HTT: variants seen among roughly 807,000 people sequenced by gnomAD.
HTT encodes huntingtin, also known as huntington disease protein.
A neutral mutation model predicts 362.3 loss-of-function variants in HTT; 104 were observed. That is an observed-to-expected ratio of 0.29 (90% CI 0.24 to 0.34). HTT has a LOEUF of 0.34. HTT is among the 10% of genes least tolerant of loss of function. The probability of loss-of-function intolerance (pLI) is 1.00; values close to 1 mark genes in which losing one functional copy is unlikely to be tolerated. For missense variants in HTT, 3,301 were observed against 3,928.6 expected, an observed-to-expected ratio of 0.84 and a Z score of 4.27; for synonymous variants, 1,577 against 1,548.7, an observed-to-expected ratio of 1.02 and a Z score of -0.43.
At chr4:3,154,065 G>A (rs1488539594) in intron 26 of HTT, among the ~76,000 whole-genome samples, 3 of 152,180 alleles carry the variant, frequency 2.0e-5, no homozygotes, top group Non-Finnish European at 4.4e-5. Context: ...CTGTGCACCT[G>A]TTAGGAAGTT....
Position 3,075,014 on chromosome 4 carries a change from T to TCAGCCG in HTT, c.197_202dup (p.Gln66_Pro67dup), listed in dbSNP as rs1411878512. Reference sequence around the variant, plus strand: ...CGCCGCAGGCACAGCCGCTGCTGCCTCAGCCGCAGCCGCCCCCGCCGCCGC... The same window carrying TCAGCCG: ...CGCCGCAGGCACAGCCGCTGCTGCCTCAGCCGCAGCCGCAGCCGCCCCCGCCGCCGC... On this transcript the variant is annotated inframe_insertion, in exon 1 of 67. Transcript: ENST00000355072. The TCAGCCG allele has an allele frequency of 3.1e-6, 4 of 1,301,892 alleles. No homozygotes were observed. In the African/African-American group the frequency reaches 6.3e-5, roughly 20 times the overall value. 80.6% of individuals were successfully genotyped at this position (1,301,892 alleles called of 1,614,324 possible).
At chr4:3,207,256 A>G (rs1271341140) in intron 44 of HTT, 25 bp from the exon 45 acceptor site, 2 of 1,604,618 alleles carry the variant, frequency 1.2e-6, no homozygotes, top group Non-Finnish European at 1.7e-6. Flanking sequence ...TGTTACAAAC[A>G]CACTAATGTG....
At chr4:3,109,232 T>G (rs751631938) in intron 6 of HTT, among the ~76,000 whole-genome samples, 1 of 151,906 alleles carries the variant, frequency 6.6e-6, no homozygotes, top group Non-Finnish European at 1.5e-5. Context: ...CTTTCTTTCT[T>G]TTTTTTTCTT....
chr4:3,229,173 C>G (rs1255838828), intron 59 of HTT, among the ~76,000 whole-genome samples, 164 bp downstream of exon 59: 1 of 150,838 alleles, frequency 6.6e-6, no homozygotes, highest in Non-Finnish European at 1.5e-5. Context: ...ACCACACACA[C>G]ATGCCACATG....
intron 1 of HTT, among the ~76,000 whole-genome samples, chr4:3,076,859 G>T (rs1158852606): frequency 3.9e-5 from 6 of 152,078 alleles, no homozygotes; most frequent in Admixed American, 6.6e-5. Context: ...ATTACTTTAA[G>T]GTAATATATG....
chr4:3,092,931 T>C (rs1318814516), intron 2 of HTT, among the ~76,000 whole-genome samples: 1 of 152,154 alleles, frequency 6.6e-6, no homozygotes, highest in African/African-American at 2.4e-5. Context: ...TTCCTTACAT[T>C]ACTGCCTGGT....
At chr4:3,215,570 G>A (rs925483991) in intron 51 of HTT, among the ~76,000 whole-genome samples, 2 of 152,116 alleles carry the variant, frequency 1.3e-5, no homozygotes, top group African/African-American at 2.4e-5. Flanking sequence ...ATTAATGCTC[G>A]GCCTCTGGTC....
intron 54 of HTT, 36 bp from the exon 55 acceptor site, chr4:3,223,370 T>C (rs374869891): frequency 3.3e-6 from 5 of 1,536,704 alleles, no homozygotes; most frequent in South Asian, 1.3e-5. Flanking sequence ...TGTGGGTGTC[T>C]TGCTGCTCTT....
chr4:3,214,517 G>T (rs941644110), intron 50 of HTT, among the ~76,000 whole-genome samples: 2 of 152,058 alleles, frequency 1.3e-5, no homozygotes, highest in Admixed American at 1.3e-4. Flanking sequence ...TAAAATGTTT[G>T]TTTTTATACT....
At chr4:3,140,401 C>T (rs2110198098) in intron 21 of HTT, 109 bp from the exon 22 acceptor site, 2 of 858,364 alleles carry the variant, frequency 2.3e-6, no homozygotes, top group East Asian at 2.5e-5. Flanking sequence ...GAAGTGGTGT[C>T]CGCTGGTAAC....
At chr4:3,200,756 T>G (rs906241289) in intron 41 of HTT, among the ~76,000 whole-genome samples, 7 of 152,214 alleles carry the variant, frequency 4.6e-5, no homozygotes, top group Non-Finnish European at 8.8e-5. Context: ...CTGTGCCGTA[T>G]GTAGTGGGGT....
Position 3,199,929 on chromosome 4 carries a change from C to A in HTT, c.5566C>A (p.Gln1856Lys). Residue 1856 changes from glutamine to lysine, a missense_variant, in exon 41 of 67, where the codon CAG becomes AAG. This residue lies in a region of HTT where 2,316 missense variants were observed against 2,658.5 expected (regional missense o/e 0.87). Transcript: ENST00000355072. ...TDYRWWAEVQ[Q>K]TPKRHSLSST... Reference sequence around the variant, plus strand: ...CTACCGCTGGTGGGCAGAAGTGCAGCAGACCCCGAAGTAGGTTCATAATGC... The same window carrying A: ...CTACCGCTGGTGGGCAGAAGTGCAGAAGACCCCGAAGTAGGTTCATAATGC... The A allele has an allele frequency of 6.2e-7, 1 of 1,613,178 alleles. No homozygotes were observed. The highest frequency in any genetic ancestry group is 8.5e-7 in the Non-Finnish European group (1 of 1,179,532).
chr4:3,193,566 G>C (rs187036141), intron 40 of HTT, among the ~76,000 whole-genome samples: 109 of 152,188 alleles, frequency 7.2e-4, no homozygotes, highest in Admixed American at 2.4e-3. Context: ...GTCTTATTGC[G>C]CTGATTTCCT....
At chr4:3,083,513 G>A (rs1713021735) in intron 1 of HTT, among the ~76,000 whole-genome samples, 1 of 145,388 alleles carries the variant, frequency 6.9e-6, no homozygotes, top group African/African-American at 2.5e-5. Context: ...AAGAGAGTGA[G>A]ACCCTGTCTC....
chr4:3,125,340 G>T (rs1283364730), intron 10 of HTT, among the ~76,000 whole-genome samples: 1 of 151,950 alleles, frequency 6.6e-6, no homozygotes, highest in Admixed American at 6.6e-5. Context: ...TTCCATATAG[G>T]TTTATTGACT....
chr4:3,112,410 C>T (rs998815198), intron 6 of HTT, among the ~76,000 whole-genome samples: 1 of 152,212 alleles, frequency 6.6e-6, no homozygotes, highest in African/African-American at 2.4e-5. Context: ...AGAAGCCTCT[C>T]CCCTATTCCC....
intron 57 of HTT, among the ~76,000 whole-genome samples, chr4:3,226,802 C>T (rs1720942065): frequency 6.6e-6 from 1 of 152,266 alleles, no homozygotes; most frequent in African/African-American, 2.4e-5. Flanking sequence ...TGTTTCTGTT[C>T]CCTGCTCTCT....
At chr4:3,205,080 A>G (rs1334059868) in intron 42 of HTT, among the ~76,000 whole-genome samples, 1 of 151,534 alleles carries the variant, frequency 6.6e-6, no homozygotes, top group Non-Finnish European at 1.5e-5. Context: ...CTCTTTAAAG[A>G]AAAAAAAATA....
At chr4:3,097,752 G>A (rs1219878938) in intron 2 of HTT, among the ~76,000 whole-genome samples, 2 of 152,138 alleles carry the variant, frequency 1.3e-5, no homozygotes, top group East Asian at 3.8e-4. Context: ...AACTATTAAA[G>A]CTCTCTCAAG....
Sources: allele counts gnomAD v4.1 joint callset (sites outside exome capture counted in the v4.1 genomes callset), GRCh38; gene constraint gnomAD v4.1.1; regional missense constraint gnomAD v4.1.1; transcripts MANE v1.5; gene names NCBI Gene and HGNC (gene_info 2026-07-23, HGNC 2026-07-21).